PLCB4: variants seen among roughly 807,000 people sequenced by gnomAD.
PLCB4 encodes 1-phosphatidylinositol 4,5-bisphosphate phosphodiesterase beta-4.
Under a neutral mutation model 178.8 loss-of-function variants are expected in PLCB4, and 77 were observed. That is an observed-to-expected ratio of 0.43 (90% CI 0.36 to 0.52). The LOEUF (loss-of-function observed/expected upper bound fraction) is 0.52. PLCB4 is among the 20% of genes least tolerant of loss of function. The pLI is 0.00. For missense variants in PLCB4, 1,024 were observed against 1,453.4 expected (o/e 0.70, Z 4.80); for synonymous variants, 496 against 490.8 (o/e 1.01, Z -0.14).
intron 2 of PLCB4, among the ~76,000 whole-genome samples, chr20:9,147,124 G>T (rs932252728): frequency 4.6e-5 from 7 of 152,140 alleles, no homozygotes; most frequent in Non-Finnish European, 8.8e-5. Flanking sequence ...GGGGTCTAAG[G>T]CTAGGGGAGA....
At chr20:9,288,586 G>A (rs918891176) in intron 3 of PLCB4, among the ~76,000 whole-genome samples, 3 of 151,922 alleles carry the variant, frequency 2.0e-5, no homozygotes, top group Admixed American at 6.6e-5. Context: ...TGCTGAAAAC[G>A]AGGGAGTGGA....
At chr20:9,103,808 T>C (rs907385713) in intron 2 of PLCB4, among the ~76,000 whole-genome samples, 1 of 152,146 alleles carries the variant, frequency 6.6e-6, no homozygotes. Context: ...TTCAGAGAAA[T>C]AACTAAGAGG....
chr20:9,163,843 T>A (rs2146994775), intron 2 of PLCB4, among the ~76,000 whole-genome samples: 1 of 152,068 alleles, frequency 6.6e-6, no homozygotes, highest in East Asian at 1.9e-4. Flanking sequence ...ATTGCAAACA[T>A]CAGAACAAAA....
rs536191332 is a variant in PLCB4 at position 9,162,652 on chromosome 20, T to A, written c.-78-54738T>A. Reference sequence around the variant, plus strand: ...ATCAATTATGTTTTGTTTCCTAGAATGTACAACATCCTCCATGTTTTTTTC... The same window carrying A: ...ATCAATTATGTTTTGTTTCCTAGAAAGTACAACATCCTCCATGTTTTTTTC... On this transcript the variant is annotated intron_variant, in intron 2 of 39. Transcript: ENST00000378473. Among the ~76,000 whole-genome samples the A allele has an allele frequency of 4.0e-3, 606 of 152,364 alleles. 5 individuals carry two copies. Among genetic ancestry groups the A allele is most frequent in the Non-Finnish European group, 5.8e-3 (394 of 68,036 alleles).
At chr20:9,157,690 A>T (rs746437061) in intron 2 of PLCB4, among the ~76,000 whole-genome samples, 1 of 152,180 alleles carries the variant, frequency 6.6e-6, no homozygotes, top group Non-Finnish European at 1.5e-5. Flanking sequence ...TCCTTCTCTT[A>T]TGTTGTAATT....
In PLCB4 at chr20:9,479,217, A is replaced by C. The variant is rs2044749585; in HGVS notation, c.*208A>C. On this transcript the variant is annotated 3_prime_UTR_variant, in exon 40 of 40. Coordinates refer to ENST00000378473, the MANE Select transcript of PLCB4 (RefSeq NM_001377142.1). ...ACAAAAATAGCTACAAATCCACAAA[A>C]ATTTACTATTCCAGTAAGGCAGAGT... is the stretch of plus-strand genomic sequence containing the variant. 8.9e-6 allele frequency: 5 copies of C among 562,110 alleles called. No homozygotes were observed. The highest frequency in any genetic ancestry group is 2.1e-5 in the South Asian group (1 of 46,568). The allele number at this position is 562,110 out of a possible 1,614,324, so 34.8% of individuals were successfully genotyped here. A position where few individuals can be genotyped will look rare whatever the true frequency, so the allele number is the denominator to read the frequency against.
chr20:9,344,859 A>C (rs2033633247), intron 7 of PLCB4, among the ~76,000 whole-genome samples: 1 of 152,206 alleles, frequency 6.6e-6, no homozygotes, highest in African/African-American at 2.4e-5. Flanking sequence ...TTACAGTTAG[A>C]GAATTTAGCT....
At chr20:9,438,313 C>T (rs766580256) in intron 30 of PLCB4, among the ~76,000 whole-genome samples, 2 of 149,142 alleles carry the variant, frequency 1.3e-5, no homozygotes, top group African/African-American at 2.5e-5. Context: ...TTGCAGTGAG[C>T]TGAGATAGCG....
intron 2 of PLCB4, among the ~76,000 whole-genome samples, chr20:9,213,304 C>A (rs1033109305): frequency 6.8e-6 from 1 of 146,192 alleles, no homozygotes; most frequent in Non-Finnish European, 1.5e-5. Context: ...GCCACCACAC[C>A]CAGCTAATTT....
intron 7 of PLCB4, among the ~76,000 whole-genome samples, chr20:9,357,858 C>G (rs1006037797): frequency 1.3e-5 from 2 of 152,142 alleles, no homozygotes; most frequent in African/African-American, 4.8e-5. Flanking sequence ...AAGACAAAAA[C>G]CAAACTCACA....
chr20:9,180,186 C>G (rs1400887807), intron 2 of PLCB4, among the ~76,000 whole-genome samples: 1 of 151,870 alleles, frequency 6.6e-6, no homozygotes, highest in African/African-American at 2.4e-5. Context: ...ATCTTGTGGC[C>G]CCAATATTCA....
intron 3 of PLCB4, among the ~76,000 whole-genome samples, chr20:9,302,919 AT>A (rs1433404119): frequency 6.6e-6 from 1 of 152,144 alleles, no homozygotes; most frequent in Non-Finnish European, 1.5e-5. Flanking sequence ...CTGATTTAAA[AT>A]GAAACCAAAG....
At position 9,307,900 on chromosome 20, in the gene PLCB4, TA is replaced by T; in HGVS notation, c.84+5del. The T allele has an allele frequency of 7.9e-7, 1 of 1,271,066 alleles. No homozygotes were observed. The highest frequency in any genetic ancestry group is 1.1e-6 in the Non-Finnish European group (1 of 877,780). The allele number at this position is 1,271,066 out of a possible 1,614,324, so 78.7% of individuals were successfully genotyped here. ...GCAGTTTTTGACAGATACGAGGAGG[TA>T]AAGAAGTGTTATTAATCTTTTCTCT... On this transcript the variant is annotated splice_donor_region_variant and intron_variant, in intron 4 of 39. Coordinates refer to ENST00000378473, the MANE Select transcript of PLCB4 (RefSeq NM_001377142.1).
In PLCB4 at chr20:9,352,761, C is replaced by T. The variant is rs781575451; in HGVS notation, c.370-10135C>T. Among the ~76,000 whole-genome samples the T allele has an allele frequency of 4.9e-4, 75 of 152,232 alleles. No homozygotes were observed. The Middle Eastern group carries it at 0.01, about 21-fold the overall frequency. On this transcript the variant is annotated intron_variant, in intron 7 of 39. Coordinates refer to ENST00000378473, the MANE Select transcript of PLCB4 (RefSeq NM_001377142.1). ...CTTGCACAAATACTCATTCACCATGCTCTGAGGGTAATTTAAGAATCATAT... is the reference window on the plus strand; with the variant it reads ...CTTGCACAAATACTCATTCACCATGTTCTGAGGGTAATTTAAGAATCATAT...
At chr20:9,224,858 A>T (rs969112768) in intron 3 of PLCB4, among the ~76,000 whole-genome samples, 6 of 152,212 alleles carry the variant, frequency 3.9e-5, no homozygotes, top group African/African-American at 1.2e-4. Flanking sequence ...CCTGGTTTTC[A>T]TAGGAAAATC....
At chr20:9,164,322 C>CT (rs920007301) in intron 2 of PLCB4, among the ~76,000 whole-genome samples, 19 of 147,762 alleles carry the variant, frequency 1.3e-4, no homozygotes, top group African/African-American at 2.5e-4. Flanking sequence ...TCTTTGGAGT[C>CT]TTTTTTTTTT....
chr20:9,381,174 AT>A (rs1222864254), intron 13 of PLCB4, among the ~76,000 whole-genome samples: 1 of 152,200 alleles, frequency 6.6e-6, no homozygotes, highest in African/African-American at 2.4e-5. Context: ...TATTCTGAAT[AT>A]CATAATTTAT....
intron 2 of PLCB4, among the ~76,000 whole-genome samples, chr20:9,156,842 TCCC>T (rs2092798352): frequency 4.6e-5 from 2 of 43,254 alleles, no homozygotes; most frequent in African/African-American, 1.8e-4. Context: ...CCTCCCTCCC[TCCC>T]TCCCTCCCTT....
At chr20:9,364,695 C>T (rs568954591) in intron 8 of PLCB4, among the ~76,000 whole-genome samples, 15 of 152,160 alleles carry the variant, frequency 9.9e-5, no homozygotes, top group African/African-American at 1.9e-4. Flanking sequence ...GGTGCTTCTA[C>T]GAAACTTAAG....
Sources: gnomAD v4.1 joint callset for allele counts (sites outside exome capture counted in the v4.1 genomes callset) on GRCh38, gnomAD v4.1.1 for gene constraint, MANE v1.5 for transcripts, NCBI Gene and HGNC (gene_info 2026-07-23, HGNC 2026-07-21) for gene names.